SP140L: variants seen among roughly 807,000 people sequenced by gnomAD.
SP140L encodes the protein SP140 like nuclear body protein, also known as nuclear body protein SP140-like protein.
SP140L carries 64 observed loss-of-function variants against 84.3 expected under a neutral mutation model. The observed-to-expected ratio is 0.76, with a 90% confidence interval of 0.62 to 0.94. SP140L has a LOEUF of 0.94. SP140L is among the 40% of genes least tolerant of loss of function. The pLI, the probability that SP140L is intolerant of heterozygous loss-of-function variation, is 0.00. For missense variants in SP140L, 628 were observed against 692.5 expected, an observed-to-expected ratio of 0.91 and a Z score of 1.05; for synonymous variants, 242 against 236.9, an observed-to-expected ratio of 1.02 and a Z score of -0.20.
At chr2:230,347,919 T>C (rs1043845392) in intron 2 of SP140L, among the ~76,000 whole-genome samples, 3 of 152,228 alleles carry the variant, frequency 2.0e-5, no homozygotes. Context: ...AGTACCAGCA[T>C]GGTGATCCAT....
chr2:230,328,971 AG>A, intron 2 of SP140L, 140 bp downstream of exon 2: 1 of 1,332,966 alleles, frequency 7.5e-7, no homozygotes, highest in Non-Finnish European at 9.8e-7. Flanking sequence ...GATTCAGTTG[AG>A]GTGTTTGTCT....
At chr2:230,400,077 T>C (rs2062242928) in intron 14 of SP140L, 50 bp from the exon 15 acceptor site, 5 of 1,604,152 alleles carry the variant, frequency 3.1e-6, no homozygotes, top group Non-Finnish European at 4.3e-6. Flanking sequence ...AGGGGTGGCC[T>C]TCCTGAATCT....
intron 13 of SP140L, 126 bp from the exon 14 acceptor site, chr2:230,396,631 C>T (rs1311850150): frequency 1.7e-6 from 2 of 1,149,014 alleles, no homozygotes; most frequent in South Asian, 1.6e-5. Context: ...GCCTTCATCT[C>T]CTCCCAATTA....
intron 2 of SP140L, among the ~76,000 whole-genome samples, chr2:230,354,257 A>T (rs2060450795): frequency 6.6e-6 from 1 of 152,204 alleles, no homozygotes; most frequent in Non-Finnish European, 1.5e-5. Context: ...AATCAATGTG[A>T]TTCACCAATT....
Position 230,400,235 on chromosome 2 carries a change from A to G in SP140L, c.1306A>G (p.Ser436Gly), listed in dbSNP as rs2062256277. Residue 436 changes from serine (S) to glycine (G), a missense_variant, in exon 15 of 19, where the codon AGT becomes GGT. Ser to Gly is a moderately conservative substitution (Grantham distance 56). Transcript: ENST00000415673. ...HEDCHIPPVE[S>G]EKTPWNCIFC... ...GGACTGCCACATCCCACCTGTGGAA[A>G]GTGAGAAGTAAGTGACATGCAGGCA... The G allele has an allele frequency of 6.2e-7, 1 of 1,613,982 alleles. No homozygotes were observed. The highest frequency in any genetic ancestry group is 1.1e-5 in the South Asian group (1 of 91,084).
At chr2:230,343,190 A>G (rs906852152) in intron 2 of SP140L, among the ~76,000 whole-genome samples, 1 of 122,262 alleles carries the variant, frequency 8.2e-6, no homozygotes, top group Non-Finnish European at 1.8e-5. Context: ...CATCCTAGGT[A>G]TTAAGCCCAA....
At position 230,371,774 on chromosome 2, in the gene SP140L, T is replaced by A. The variant is rs934493918; in HGVS notation, c.637+123T>A. The A allele has an allele frequency of 5.5e-6, 5 of 909,766 alleles. No individual in the cohort carries two copies. The East Asian group carries it at 1.4e-4, about 25-fold the overall frequency. 56.4% of individuals were successfully genotyped at this position (909,766 alleles called of 1,614,324 possible). On this transcript the variant is annotated intron_variant, in intron 7 of 18. Coordinates refer to ENST00000415673, the MANE Select transcript of SP140L (RefSeq NM_138402.6). ...TGCAATACTGTGGTAGAGAGAATGA[T>A]GGCCACCCCAAAAAACGTCCACCTC...
chr2:230,382,154 T>A (rs1489739703), intron 7 of SP140L, among the ~76,000 whole-genome samples: 5 of 151,900 alleles, frequency 3.3e-5, no homozygotes, highest in Non-Finnish European at 5.9e-5. Context: ...ACCAACCAGG[T>A]AACAGTCACC....
chr2:230,390,003 A>T lies in SP140L; in HGVS notation c.944A>T (p.His315Leu). ...TGTGGTGGGGTGAAGGGAATTTTAC[A>T]TAAGGAGAAATTGGAACAAGGTGGG... The part of the protein sequence containing the change: ...VTCGGVKGIL[H>L]KEKLEQGTLA... Residue 315 changes from histidine to leucine, a missense_variant, in exon 11 of 19, where the codon CAT becomes CTT. By Grantham distance (99) the His-to-Leu change is moderately conservative. Around this residue, in one of 4 missense-constraint regions of SP140L, gnomAD observed 525 missense variants for 518.4 expected, o/e 1.01. Transcript: ENST00000415673. 6.2e-7 allele frequency: 1 copy of T among 1,613,580 alleles called. No homozygotes were observed. The highest frequency in any genetic ancestry group is 8.5e-7 in the Non-Finnish European group (1 of 1,179,690).
chr2:230,354,835 AGAAAGAAAGAAAG>A (rs2060470458), intron 2 of SP140L, among the ~76,000 whole-genome samples: 1 of 127,076 alleles, frequency 7.9e-6, no homozygotes, highest in African/African-American at 3.1e-5. Flanking sequence ...GAAAGAGACA[AGAAAGAAAGAAAG>A]GAAAGAAAGA....
rs755262306 is a variant in SP140L, at chr2:230,389,871, G to A, written c.860-48G>A. 1.0e-5 allele frequency: 16 copies of A among 1,559,792 alleles called. No homozygotes were observed. The Admixed American group carries it at 1.3e-4, about 13-fold the overall frequency. On this transcript the variant is annotated intron_variant, in intron 10 of 18. Coordinates refer to ENST00000415673, the MANE Select transcript of SP140L (RefSeq NM_138402.6). ...AGGATTTACCTCAGTGGGAAGGGGG[G>A]ATGTGCCTTTGCAAAGTGAGACAGA...
chr2:230,368,974 G>C (rs1446479117), intron 5 of SP140L, among the ~76,000 whole-genome samples: 1 of 152,200 alleles, frequency 6.6e-6, no homozygotes, highest in Non-Finnish European at 1.5e-5. Context: ...GGTGAGCTAT[G>C]AGGAGATTAT....
At position 230,337,083 on chromosome 2, in the gene SP140L, T is replaced by C. The variant is rs1021681880; in HGVS notation, c.107+8252T>C. On this transcript the variant is annotated intron_variant, in intron 2 of 18. Transcript: ENST00000415673. ...GGAATCGCCACACTGACTTCCACAATGGTTGAACTAGTTTACAGTCCCACC... is the reference window on the plus strand; with the variant it reads ...GGAATCGCCACACTGACTTCCACAACGGTTGAACTAGTTTACAGTCCCACC... 1.1e-4 allele frequency among the ~76,000 whole-genome samples: 17 copies of C among 152,220 alleles called. 1 individual carries two copies.
chr2:230,385,081 C>G (rs1384634942), intron 8 of SP140L, 143 bp from the exon 9 acceptor site: 24 of 675,442 alleles, frequency 3.6e-5, no homozygotes, highest in Non-Finnish European at 5.9e-5. Flanking sequence ...GAAGTCAACA[C>G]TCCCCAAAGC....
At position 230,357,911 on chromosome 2, in the gene SP140L, T is replaced by A. The variant is rs1460227728; in HGVS notation, c.214T>A (p.Phe72Ile). 1 of 1,613,942 alleles carries A rather than the reference T, an allele frequency of 6.2e-7. No homozygotes were observed. The highest frequency in any genetic ancestry group is 1.3e-5 in the African/African-American group (1 of 74,936). ...GATATCAAATGCAATAAAAAAGACA[T>A]TTCCATTCCTTGAGGGCCTCCGCGA... ...LEISNAIKKT[F>I]PFLEGLRDRE... Residue 72 changes from phenylalanine (F) to isoleucine (I), a missense_variant, in exon 3 of 19, where the codon TTT (phenylalanine) becomes ATT (isoleucine). By Grantham distance (21) the Phe-to-Ile change is conservative (BLOSUM62 0). This residue lies in a region of SP140L where 525 missense variants were observed against 518.4 expected (regional missense o/e 1.01). Transcript: ENST00000415673.
At chr2:230,372,748 GAA>G (rs1454958026) in intron 7 of SP140L, 1 of 118,468 alleles carries the variant, frequency 8.4e-6, no homozygotes, top group African/African-American at 3.2e-5. Context: ...AAAAAAAAAA[GAA>G]AGAGTCACAT....
intron 2 of SP140L, among the ~76,000 whole-genome samples, chr2:230,341,513 A>G (rs1219530612): frequency 6.7e-6 from 1 of 150,128 alleles, no homozygotes; most frequent in African/African-American, 2.5e-5. Flanking sequence ...TTCTCCATCC[A>G]GCTTTGTTCT....
At chr2:230,341,254 G>T (rs1486646330) in intron 2 of SP140L, among the ~76,000 whole-genome samples, 1 of 145,006 alleles carries the variant, frequency 6.9e-6, no homozygotes, top group Non-Finnish European at 1.5e-5. Context: ...ATCTTCCATC[G>T]CTGATACCCT....
intron 2 of SP140L, among the ~76,000 whole-genome samples, chr2:230,351,477 A>G (rs1171761095): frequency 6.6e-6 from 1 of 152,192 alleles, no homozygotes; most frequent in Non-Finnish European, 1.5e-5. Context: ...AATATCAGGT[A>G]TATTAACCCT....
Sources: allele counts gnomAD v4.1 joint callset (sites outside exome capture counted in the v4.1 genomes callset), GRCh38; gene constraint gnomAD v4.1.1; regional missense constraint gnomAD v4.1.1; transcripts MANE v1.5; gene names NCBI Gene and HGNC (gene_info 2026-07-23, HGNC 2026-07-21).